Variants in DSEL observed in about 807,000 individuals in gnomAD.
DSEL encodes dermatan-sulfate epimerase-like protein.
Under a neutral mutation model 96.6 loss-of-function variants are expected in DSEL, and 61 were observed. The observed-to-expected ratio is 0.63, with a 90% CI of 0.51 to 0.78. DSEL has a LOEUF of 0.78. Among genes scored for constraint, DSEL ranks in the 30% least tolerant of loss-of-function variants. DSEL has a pLI of 0.00. For missense variants in DSEL, 1,320 were observed against 1,430.8 expected (o/e 0.92, Z 1.25); for synonymous variants, 514 against 502.0 (o/e 1.02, Z -0.32).
chr18:67,511,263 C>A lies in DSEL; in HGVS notation c.3346G>T (p.Asp1116Tyr). 6.2e-6 allele frequency: 10 copies of A among 1,611,942 alleles called. No homozygotes were observed. The highest frequency in any genetic ancestry group is 8.5e-6 in the Non-Finnish European group (10 of 1,180,004). Residue 1116 changes from aspartate to tyrosine, a missense_variant, in exon 2 of 2, where the codon GAT (aspartate) becomes TAT (tyrosine). This residue lies in a region of DSEL where 986 missense variants were observed against 1,066.4 expected (regional missense o/e 0.92). Coordinates refer to ENST00000310045, the MANE Select transcript of DSEL (RefSeq NM_032160.3). ...AGCTGGTAGCTAGTAGGCAGCAAAT[C>A]TGTATTTATTCTCAAGGCTGCTGCT... ...NTAAALRINTDLLPTSYQLVK... is the reference protein window; with the variant it reads ...NTAAALRINTYLLPTSYQLVK...
Position 67,512,643 on chromosome 18 carries a change from C to A in DSEL, c.1966G>T (p.Glu656Ter). ...AATTGAGTCCATCGTTTTTTAAATTCAGCAGCTTGCTCTGCTTCCTGTATA... is the reference window on the plus strand; with the variant it reads ...AATTGAGTCCATCGTTTTTTAAATTAAGCAGCTTGCTCTGCTTCCTGTATA... ...ASIQEAEQAA[E>*]FKKRWTQFVN... The change falls in exon 2 of 2, where the codon GAA (glutamate) becomes TAA (stop). Residue 656 changes from glutamate to a stop codon, truncating the protein, a stop_gained. Coordinates refer to ENST00000310045, the MANE Select transcript of DSEL (RefSeq NM_032160.3). LOFTEE classifies it high-confidence loss of function. 1 of 1,614,098 alleles carries A rather than the reference C, an allele frequency of 6.2e-7. No individual in the cohort carries two copies. The highest frequency in any genetic ancestry group is 8.5e-7 in the Non-Finnish European group (1 of 1,180,032).
Position 67,507,583 on chromosome 18 carries a change from A to T in DSEL, c.*3387T>A, listed in dbSNP as rs1238746311. On this transcript the variant is annotated 3_prime_UTR_variant, in exon 2 of 2. Transcript: ENST00000310045. ...GCCAAAGATACTTGGTGATGTACAG[A>T]AATCGTTGCTGAACAATTATGCCAA... The T allele has an allele frequency of 6.6e-6, 1 of 152,176 alleles. No homozygotes were observed. The highest frequency in any genetic ancestry group is 1.5e-5 in the Non-Finnish European group (1 of 68,038). The allele number at this position is 152,176 out of a possible 1,614,324, so 9.4% of individuals were successfully genotyped here. A position where few individuals can be genotyped will look rare whatever the true frequency, so the allele number is the denominator to read the frequency against.
chr18:67,506,634 T>G lies in DSEL; in HGVS notation c.*4336A>C, dbSNP rs569411966. 6.6e-6 allele frequency: 1 copy of G among 152,100 alleles called. No homozygotes were observed. Among genetic ancestry groups the G allele is most frequent in the East Asian group, 1.9e-4 (1 of 5,186 alleles). 9.4% of individuals were successfully genotyped at this position (152,100 alleles called of 1,614,324 possible). A position where few individuals can be genotyped will look rare whatever the true frequency, so the allele number is the denominator to read the frequency against. On this transcript the variant is annotated 3_prime_UTR_variant, in exon 2 of 2. Transcript: ENST00000310045. ...GTATTAACAGGAGTCTTATTACACA[T>G]AGGTCTGATAAAACTGGTTTATGAT...
rs752854439 is a variant in DSEL at position 67,513,977 on chromosome 18, G to A, written c.632C>T (p.Ser211Phe). ...CTGTTTGCCCCATGAGCGGACCTTG[G>A]AATACTCGTACATTTCCTCAGTAAT... Reference protein sequence around the residue: ...WVITEEMYEYSKVRSWGKQLL... With the variant: ...WVITEEMYEYFKVRSWGKQLL... The change falls in exon 2 of 2, where the codon TCC (serine) becomes TTC (phenylalanine). Residue 211 changes from serine to phenylalanine, a missense_variant. By Grantham distance (155) the Ser-to-Phe change is radical. Coordinates refer to ENST00000310045, the MANE Select transcript of DSEL (RefSeq NM_032160.3). 6 of 1,614,116 alleles carry A rather than the reference G, an allele frequency of 3.7e-6. No individual in the cohort carries two copies. The highest frequency in any genetic ancestry group is 5.1e-6 in the Non-Finnish European group (6 of 1,180,018).
At position 67,511,995 on chromosome 18, in the gene DSEL, A is replaced by G. The variant is rs137861659; in HGVS notation, c.2614T>C (p.Phe872Leu). Residue 872 changes from phenylalanine to leucine, a missense_variant, in exon 2 of 2, where the codon TTT becomes CTT. Physicochemically the swap from Phe to Leu is conservative, Grantham distance 22. Around this residue, in one of 3 missense-constraint regions of DSEL, gnomAD observed 986 missense variants for 1,066.4 expected, o/e 0.92. Transcript: ENST00000310045. The part of the protein sequence containing the change: ...GSGAEILKQL[F>L]FNSSDFLYIR... ...TAGAGAAAATCACTACTGTTGAAAAAAAGTTGTTTGAGAATTTCAGCTCCT... is the reference window on the plus strand; with the variant it reads ...TAGAGAAAATCACTACTGTTGAAAAGAAGTTGTTTGAGAATTTCAGCTCCT... The G allele has an allele frequency of 2.5e-6, 4 of 1,614,154 alleles. No individual in the cohort carries two copies. Among genetic ancestry groups the G allele is most frequent in the Non-Finnish European group, 3.4e-6 (4 of 1,180,032 alleles).
rs1360826873 is a variant in DSEL at position 67,512,457 on chromosome 18, C to A, written c.2152G>T (p.Val718Leu). The change falls in exon 2 of 2, where the codon GTA (valine) becomes TTA (leucine). Residue 718 changes from valine (V) to leucine (L), a missense_variant. Val to Leu is a conservative substitution (Grantham distance 32, BLOSUM62 1). Around this residue, in one of 3 missense-constraint regions of DSEL, gnomAD observed 986 missense variants for 1,066.4 expected, o/e 0.92. Coordinates refer to ENST00000310045, the MANE Select transcript of DSEL (RefSeq NM_032160.3). ...GTCTTCAGGTTATGGTAATCAGTTA[C>A]AATAGAAACAACATGTTCAGTATTA... ...VNNTEHVVSI[V>L]TDYHNLKTRF... 1 of 1,614,068 alleles carries A rather than the reference C, an allele frequency of 6.2e-7. No individual in the cohort carries two copies. The highest frequency in any genetic ancestry group is 2.2e-5 in the East Asian group (1 of 44,880).
At position 67,513,429 on chromosome 18, in the gene DSEL, G is replaced by A. The variant is rs2089456059; in HGVS notation, c.1180C>T (p.Pro394Ser). 6.2e-7 allele frequency: 1 copy of A among 1,614,134 alleles called. No individual in the cohort carries two copies. Among genetic ancestry groups the A allele is most frequent in the Non-Finnish European group, 8.5e-7 (1 of 1,180,038 alleles). The change falls in exon 2 of 2, where the codon CCC (proline) becomes TCC (serine). Residue 394 changes from proline (P) to serine (S), a missense_variant. Around this residue, in one of 3 missense-constraint regions of DSEL, gnomAD observed 986 missense variants for 1,066.4 expected, o/e 0.92. Coordinates refer to ENST00000310045, the MANE Select transcript of DSEL (RefSeq NM_032160.3). ...GCAGGTGGCTGTGGTGTGAGCTGGG[G>A]ATCATACCAGATGTATTCAGTGTGA... is the stretch of plus-strand genomic sequence containing the variant. ...TLHTEYIWYD[P>S]QLTPQPPADY...
In DSEL at chr18:67,508,450, A is replaced by G. The variant is rs940228558; in HGVS notation, c.*2520T>C. The stretch of plus-strand genomic sequence containing the variant: ...GCAAACTTTCTATTTTAGAATAACT[A>G]AATAGTAGGGTTCATGTCTAAAATT... On this transcript the variant is annotated 3_prime_UTR_variant, in exon 2 of 2. Transcript: ENST00000310045. The G allele has an allele frequency of 1.3e-5, 2 of 152,244 alleles. No individual in the cohort carries two copies. Among genetic ancestry groups the G allele is most frequent in the African/African-American group, 4.8e-5 (2 of 41,448 alleles). The allele number at this position is 152,244 out of a possible 1,614,324, so 9.4% of individuals were successfully genotyped here.
At position 67,513,579 on chromosome 18, in the gene DSEL, G is replaced by C; in HGVS notation, c.1030C>G (p.Leu344Val). 1 of 1,614,138 alleles carries C rather than the reference G, an allele frequency of 6.2e-7. No homozygotes were observed. The highest frequency in any genetic ancestry group is 8.5e-7 in the Non-Finnish European group (1 of 1,180,028). ...AAGATGAACTTATCCAAGAAAACTAGCTGGCTTTCTGGACCATAAAACCAA... is the reference window on the plus strand; with the variant it reads ...AAGATGAACTTATCCAAGAAAACTACCTGGCTTTCTGGACCATAAAACCAA... ...YNWFYGPESQ[L>V]VFLDKFILKN... Residue 344 changes from leucine to valine, a missense_variant, in exon 2 of 2, where the codon CTA becomes GTA. This residue lies in a region of DSEL where 986 missense variants were observed against 1,066.4 expected (regional missense o/e 0.92). Coordinates refer to ENST00000310045, the MANE Select transcript of DSEL (RefSeq NM_032160.3).
In DSEL at chr18:67,510,053, TTCTAAG is replaced by T. The variant is rs978215069; in HGVS notation, c.*911_*916del. On this transcript the variant is annotated 3_prime_UTR_variant, in exon 2 of 2. Transcript: ENST00000310045. ...GTTAATTCCAGAAAAATAAATTTGA[TTCTAAG>T]TCTGTGTCAGTCTTTAACGCAAAAT... 2 of 152,468 alleles carry T rather than the reference TTCTAAG, an allele frequency of 1.3e-5. No homozygotes were observed. The highest frequency in any genetic ancestry group is 2.4e-5 in the African/African-American group (1 of 41,452). 9.4% of individuals were successfully genotyped at this position (152,468 alleles called of 1,614,324 possible).
In DSEL at chr18:67,514,279, A is replaced by G. The variant is rs749800085; in HGVS notation, c.330T>C (p.His110=). ...CATTCCACTTGGCAGCAAAATCAGC[A>G]TGCTTTGGTGGAGGTAGGTAGTATG... ...NPTYYLPPPK[H]ADFAAKWNEI... Residue 110 remains histidine, a synonymous_variant, in exon 2 of 2, where the codon CAT becomes CAC. Coordinates refer to ENST00000310045, the MANE Select transcript of DSEL (RefSeq NM_032160.3). 4 of 1,614,210 alleles carry G rather than the reference A, an allele frequency of 2.5e-6. No homozygotes were observed. Among genetic ancestry groups the G allele is most frequent in the Non-Finnish European group, 3.4e-6 (4 of 1,180,032 alleles).
Position 67,510,891 on chromosome 18 carries a change from TAAAC to T in DSEL, c.*75_*78del, listed in dbSNP as rs2089437762. 2.5e-6 allele frequency: 3 copies of T among 1,216,394 alleles called. No homozygotes were observed. The highest frequency in any genetic ancestry group is 2.4e-5 in the Admixed American group (1 of 41,162). The allele number at this position is 1,216,394 out of a possible 1,614,324, so 75.4% of individuals were successfully genotyped here. On this transcript the variant is annotated 3_prime_UTR_variant, in exon 2 of 2. Transcript: ENST00000310045. ...GCACACACACACACACACTAAAGAA[TAAAC>T]AAACTCTTCTGATTCATATCCACAA...
At position 67,515,969 on chromosome 18, in the gene DSEL, T is replaced by C. The variant is rs575800800; in HGVS notation, c.-885+392A>G. Among the ~76,000 whole-genome samples the C allele has an allele frequency of 4.6e-4, 69 of 151,058 alleles. 1 individual carries two copies. In the South Asian group the frequency reaches 0.013, roughly 29 times the overall value. On this transcript the variant is annotated intron_variant, in intron 1 of 1. Coordinates refer to ENST00000310045, the MANE Select transcript of DSEL (RefSeq NM_032160.3). ...TTCATGGGATCAGAAGGTATCTTCC[T>C]AATGAGAACTACTCGGACCAGTCAC...
chr18:67,513,373 G>A lies in DSEL; in HGVS notation c.1236C>T (p.Phe412=), dbSNP rs371241326. 2.3e-5 allele frequency: 37 copies of A among 1,614,190 alleles called. No homozygotes were observed. In the African/African-American group the frequency reaches 4.7e-4, roughly 20 times the overall value. ...CATAAGTAACCACACCCCAGTTAGG[G>A]AATGTGTGTATTTTTGCAGTACCAT... ...ADYGTAKIHT[F]PNWGVVTYGA... Residue 412 remains phenylalanine (F), a synonymous_variant, in exon 2 of 2, where the codon TTC becomes TTT. Transcript: ENST00000310045.
Position 67,511,948 on chromosome 18 carries a change from G to A in DSEL, c.2661C>T (p.Tyr887=). 2 of 1,614,102 alleles carry A rather than the reference G, an allele frequency of 1.2e-6. No homozygotes were observed. The highest frequency in any genetic ancestry group is 2.2e-5 in the East Asian group (1 of 44,870). The part of the protein sequence containing the change: ...DFLYIRVPTA[Y]IDIPETELEI... Reference sequence around the variant, plus strand: ...CCAACTCAGTTTCAGGAATATCAATGTAGGCTGTAGGAACCCTGATGTAGA... The same window carrying A: ...CCAACTCAGTTTCAGGAATATCAATATAGGCTGTAGGAACCCTGATGTAGA... Residue 887 remains tyrosine, a synonymous_variant, in exon 2 of 2, where the codon TAC becomes TAT. Transcript: ENST00000310045.
In DSEL at chr18:67,510,938, T is replaced by A. The variant is rs1161098055; in HGVS notation, c.*32A>T. 6.5e-7 allele frequency: 1 copy of A among 1,530,946 alleles called. No homozygotes were observed. The highest frequency in any genetic ancestry group is 1.4e-5 in the African/African-American group (1 of 71,996). The allele number at this position is 1,530,946 out of a possible 1,614,324, so 94.8% of individuals were successfully genotyped here. A position where few individuals can be genotyped will look rare whatever the true frequency, so the allele number is the denominator to read the frequency against. On this transcript the variant is annotated 3_prime_UTR_variant, in exon 2 of 2. Transcript: ENST00000310045. ...ATCCACAAAGTGGGTTGGTAAGTAT[T>A]ATTAGTGCAAATTTCTGCTGACCTG...
In DSEL at chr18:67,512,781, T is replaced by TA; in HGVS notation, c.1827dup (p.Lys610Ter). On this transcript the variant is annotated frameshift_variant, in exon 2 of 2. Transcript: ENST00000310045. LOFTEE classifies it high-confidence loss of function. ...TTCATAAACTTATATGGGATATATT[T>TA]AAAATCAATATCCAAATTATGAAAG... 1 of 1,613,930 alleles carries TA rather than the reference T, an allele frequency of 6.2e-7. No homozygotes were observed. The highest frequency in any genetic ancestry group is 8.5e-7 in the Non-Finnish European group (1 of 1,179,942).
In DSEL at chr18:67,514,513, C is replaced by T; in HGVS notation, c.96G>A (p.Trp32Ter). 2 of 1,614,034 alleles carry T rather than the reference C, an allele frequency of 1.2e-6. No individual in the cohort carries two copies. The highest frequency in any genetic ancestry group is 1.7e-6 in the Non-Finnish European group (2 of 1,180,010). ...FEESVSNYSEWAVFTDDIDQF... is the reference protein window; with the variant it reads ...FEESVSNYSE ...GATCTATATCATCTGTGAAAACTGC[C>T]CATTCGGAATAATTGCTCACAGATT... is the stretch of plus-strand genomic sequence containing the variant. The change falls in exon 2 of 2, where the codon TGG (tryptophan) becomes TGA (stop). Residue 32 changes from tryptophan (W) to a stop codon, truncating the protein, a stop_gained. Transcript: ENST00000310045. LOFTEE classifies it high-confidence loss of function.
Position 67,513,381 on chromosome 18 carries a change from G to C in DSEL, c.1228C>G (p.His410Asp). 6.2e-7 allele frequency: 1 copy of C among 1,614,182 alleles called. No homozygotes were observed. Among genetic ancestry groups the C allele is most frequent in the Non-Finnish European group, 8.5e-7 (1 of 1,180,038 alleles). ...ACCACACCCCAGTTAGGGAATGTGT[G>C]TATTTTTGCAGTACCATAATCAGCA... The part of the protein sequence containing the change: ...PPADYGTAKI[H>D]TFPNWGVVTY... The change falls in exon 2 of 2, where the codon CAC (histidine) becomes GAC (aspartate). Residue 410 changes from histidine (H) to aspartate (D), a missense_variant. This residue lies in a region of DSEL where 986 missense variants were observed against 1,066.4 expected (regional missense o/e 0.92). Transcript: ENST00000310045.
Sources: allele counts gnomAD v4.1 joint callset (sites outside exome capture counted in the v4.1 genomes callset), GRCh38; gene constraint gnomAD v4.1.1; regional missense constraint gnomAD v4.1.1; transcripts MANE v1.5; gene names NCBI Gene and HGNC (gene_info 2026-07-23, HGNC 2026-07-21).